Variants in PTPRK observed in about 807,000 individuals in gnomAD.
The protein encoded by PTPRK is protein tyrosine phosphatase receptor type K.
A neutral mutation model predicts 178.0 loss-of-function variants in PTPRK; 75 were observed. The ratio of observed to expected loss-of-function variants is 0.42; its 90% confidence interval spans 0.35 to 0.51. The LOEUF is 0.51. Ranked by LOEUF, PTPRK falls within the 20% of genes least tolerant of loss-of-function variation. The pLI is 0.02. For synonymous variants in PTPRK, 637 were observed against 620.6 expected, an observed-to-expected ratio of 1.03 and a Z score of -0.39; for missense variants, 1,441 against 1,797.8, an observed-to-expected ratio of 0.80 and a Z score of 3.59.
intron 1 of PTPRK, among the ~76,000 whole-genome samples, chr6:128,426,248 T>C (rs1467259746): frequency 1.3e-5 from 2 of 152,190 alleles, no homozygotes; most frequent in African/African-American, 4.8e-5. Context: ...GTATTAGTAT[T>C]TATCAACTTC....
chr6:127,983,392 A>C lies in PTPRK; in HGVS notation c.3252-15T>G, dbSNP rs1390718253. 1 of 1,610,420 alleles carries C rather than the reference A, an allele frequency of 6.2e-7. No individual in the cohort carries two copies. Among genetic ancestry groups the C allele is most frequent in the African/African-American group, 1.3e-5 (1 of 74,744 alleles). ...CAGCACCAGCACTGAAAAACAATTA[A>C]ATTTAATGAATTGTAAGAAGCATGT... On this transcript the variant is annotated splice_polypyrimidine_tract_variant and intron_variant, in intron 22 of 29. Coordinates refer to ENST00000368226, the MANE Select transcript of PTPRK (RefSeq NM_002844.4).
chr6:128,433,487 G>GT (rs112628694), intron 1 of PTPRK, among the ~76,000 whole-genome samples: 4,860 of 148,512 alleles, frequency 0.033, 226 homozygotes, highest in African/African-American at 0.11. Context: ...ATTTCTAATA[G>GT]TTTTTTTTTT....
chr6:128,041,250 A>G (rs545002628), intron 13 of PTPRK, among the ~76,000 whole-genome samples: 1 of 152,238 alleles, frequency 6.6e-6, no homozygotes, highest in Non-Finnish European at 1.5e-5. Context: ...CCTCCTATGA[A>G]TCACACATAG....
At chr6:128,441,577 C>T (rs1457178953) in intron 1 of PTPRK, among the ~76,000 whole-genome samples, 1 of 152,154 alleles carries the variant, frequency 6.6e-6, no homozygotes, top group Non-Finnish European at 1.5e-5. Context: ...TCATTCTTGA[C>T]CAGCTAGTCT....
At chr6:128,096,381 A>G (rs1029274772) in intron 7 of PTPRK, among the ~76,000 whole-genome samples, 52 of 152,268 alleles carry the variant, frequency 3.4e-4, no homozygotes, top group African/African-American at 1.3e-3. Context: ...GATAAAAGGG[A>G]ATTTAATTTT....
intron 21 of PTPRK, among the ~76,000 whole-genome samples, chr6:127,990,560 G>A (rs960291413): frequency 4.6e-5 from 7 of 151,150 alleles, no homozygotes; most frequent in African/African-American, 1.7e-4. Context: ...TAATTCAATC[G>A]GCTCTAAGAT....
At chr6:128,076,274 C>T (rs577827969) in intron 11 of PTPRK, among the ~76,000 whole-genome samples, 6 of 152,062 alleles carry the variant, frequency 3.9e-5, no homozygotes, top group African/African-American at 4.8e-5. Flanking sequence ...ATAAGCCTCA[C>T]GATAAGGCTA....
chr6:128,348,313 C>A (rs1832685142), intron 2 of PTPRK, among the ~76,000 whole-genome samples: 1 of 151,860 alleles, frequency 6.6e-6, no homozygotes, highest in South Asian at 2.1e-4. Flanking sequence ...CTATTTTAGT[C>A]AAATCCAGAT....
At chr6:128,372,899 C>G (rs963204405) in intron 2 of PTPRK, among the ~76,000 whole-genome samples, 3 of 151,010 alleles carry the variant, frequency 2.0e-5, no homozygotes, top group Non-Finnish European at 4.4e-5. Context: ...AGGAAATGAA[C>G]AGAACTGAGT....
chr6:128,136,354 G>A (rs1795013434), intron 7 of PTPRK, among the ~76,000 whole-genome samples: 2 of 152,150 alleles, frequency 1.3e-5, no homozygotes, highest in South Asian at 4.1e-4. Context: ...GGATTAAGGT[G>A]CTTCCCTGAG....
intron 5 of PTPRK, chr6:128,238,185 CA>C (rs58051125): frequency 0.14 from 28,859 of 199,064 alleles, 7 homozygotes; most frequent in Non-Finnish European, 0.17. Flanking sequence ...TAGCAAACGC[CA>C]AAAAAAAAAA....
chr6:128,437,831 T>C (rs1014224051), intron 1 of PTPRK, among the ~76,000 whole-genome samples: 2 of 151,582 alleles, frequency 1.3e-5, no homozygotes, highest in Admixed American at 6.5e-5. Flanking sequence ...ATATGTGGAA[T>C]TGAAACAGCT....
At chr6:128,342,189 G>T (rs1831753663) in intron 2 of PTPRK, among the ~76,000 whole-genome samples, 1 of 151,018 alleles carries the variant, frequency 6.6e-6, no homozygotes, top group Admixed American at 6.6e-5. Context: ...GGAGGCGGAG[G>T]TTGCAGTGAG....
At position 128,491,696 on chromosome 6, in the gene PTPRK, G is replaced by C. The variant is rs185622438; in HGVS notation, c.100+28563C>G. On this transcript the variant is annotated intron_variant, in intron 1 of 29. Coordinates refer to ENST00000368226, the MANE Select transcript of PTPRK (RefSeq NM_002844.4). ...AATCTGCCACTAAAACAAACATCAG[G>C]CTTACATTAATCTATCATTTTTTTT... The C allele has an allele frequency of 5.1e-3, 2,415 of 475,008 alleles. 19 individuals carry two copies. Among genetic ancestry groups the C allele is most frequent in the Non-Finnish European group, 7.5e-3 (1,782 of 237,278 alleles). The allele number at this position is 475,008 out of a possible 1,614,324, so 29.4% of individuals were successfully genotyped here.
chr6:128,278,789 T>TA (rs1481625733), intron 3 of PTPRK, among the ~76,000 whole-genome samples: 8 of 152,124 alleles, frequency 5.3e-5, no homozygotes, highest in Non-Finnish European at 1.2e-4. Flanking sequence ...AAACTTACTA[T>TA]AAAAAATTCT....
intron 1 of PTPRK, among the ~76,000 whole-genome samples, chr6:128,473,437 A>C (rs1850984575): frequency 7.8e-6 from 1 of 127,438 alleles, no homozygotes; most frequent in Non-Finnish European, 1.6e-5. Context: ...TTGCCTTGCA[A>C]TTAACAAAAT....
chr6:128,499,130 A>G (rs547912691), intron 1 of PTPRK, among the ~76,000 whole-genome samples: 3 of 152,184 alleles, frequency 2.0e-5, no homozygotes, highest in Non-Finnish European at 1.5e-5. Flanking sequence ...TGCTTTTGTC[A>G]AGAGTAATAC....
At chr6:128,396,775 G>A (rs1345344399) in intron 2 of PTPRK, among the ~76,000 whole-genome samples, 2 of 152,076 alleles carry the variant, frequency 1.3e-5, no homozygotes, top group South Asian at 2.1e-4. Context: ...CGAGGCGGGC[G>A]GATCACGAGG....
intron 6 of PTPRK, among the ~76,000 whole-genome samples, chr6:128,202,058 C>T (rs566386004): frequency 1.3e-5 from 2 of 152,158 alleles, no homozygotes; most frequent in East Asian, 3.9e-4. Flanking sequence ...GGAAAATGGA[C>T]GAATAAAAGC....
Sources: gnomAD v4.1 joint callset for allele counts (sites outside exome capture counted in the v4.1 genomes callset) on GRCh38, gnomAD v4.1.1 for gene constraint, MANE v1.5 for transcripts, NCBI Gene and HGNC (gene_info 2026-07-23, HGNC 2026-07-21) for gene names.